The following ZFYVE16 variants were observed in gnomAD, a reference collection of about 807,000 sequenced individuals.
ZFYVE16 encodes zinc finger FYVE-type containing 16, also known as zinc finger FYVE domain-containing protein 16.
Under a neutral mutation model 138.1 loss-of-function variants are expected in ZFYVE16, and 89 were observed. The observed-to-expected ratio is 0.64, with a 90% confidence interval of 0.54 to 0.77. The LOEUF is 0.77. ZFYVE16 is among the 30% of genes least tolerant of loss of function. ZFYVE16 has a pLI of 0.00. For missense variants in ZFYVE16, 1,793 were observed against 1,786.7 expected (o/e 1.00, Z -0.06); for synonymous variants, 596 against 618.3 (o/e 0.96, Z 0.53).
In ZFYVE16 at chr5:80,450,412, T is replaced by C. The variant is rs1431987979; in HGVS notation, c.3227-19T>C. 4 of 1,608,510 alleles carry C rather than the reference T, an allele frequency of 2.5e-6. No individual in the cohort carries two copies. Among genetic ancestry groups the C allele is most frequent in the African/African-American group, 2.7e-5 (2 of 74,712 alleles). The stretch of plus-strand genomic sequence containing the variant: ...TAATAGAAGTTGACATTAATAGTTA[T>C]ATTCTTTTATCATCTAAGATTCCTC... On this transcript the variant is annotated intron_variant, in intron 9 of 18. Coordinates refer to ENST00000505560, the MANE Select transcript of ZFYVE16 (RefSeq NM_001284236.3).
intron 18 of ZFYVE16, among the ~76,000 whole-genome samples, chr5:80,475,924 C>G (rs1754863711): frequency 1.3e-5 from 2 of 151,968 alleles, no homozygotes. Context: ...TTATTTCTTC[C>G]AGCAATTTGT....
chr5:80,477,561 T>G lies in ZFYVE16; in HGVS notation c.*184T>G. ...GCACAATATTTAAATATCTAAAAAT[T>G]TAAGAGATCCATACTTTCTGTAGCT... is the stretch of plus-strand genomic sequence containing the variant. On this transcript the variant is annotated 3_prime_UTR_variant, in exon 19 of 19. Transcript: ENST00000505560. 6.5e-6 allele frequency: 3 copies of G among 458,474 alleles called. No homozygotes were observed. Among genetic ancestry groups the G allele is most frequent in the Non-Finnish European group, 1.1e-5 (3 of 276,848 alleles). 28.4% of individuals were successfully genotyped at this position (458,474 alleles called of 1,614,324 possible). A position where few individuals can be genotyped will look rare whatever the true frequency, so the allele number is the denominator to read the frequency against.
intron 15 of ZFYVE16, among the ~76,000 whole-genome samples, chr5:80,464,421 A>C (rs1440057054): frequency 6.6e-6 from 1 of 152,148 alleles, no homozygotes; most frequent in East Asian, 1.9e-4. Flanking sequence ...GAAGAACAGC[A>C]TGGAGGGAAA....
chr5:80,450,881 G>T (rs1751922702), intron 10 of ZFYVE16, among the ~76,000 whole-genome samples: 1 of 136,856 alleles, frequency 7.3e-6, no homozygotes. Context: ...GCACAATCTT[G>T]GTTCACTGCA....
intron 10 of ZFYVE16, 142 bp from the exon 11 acceptor site, chr5:80,451,343 A>G: frequency 1.7e-6 from 1 of 596,690 alleles, no homozygotes; most frequent in Non-Finnish European, 2.8e-6. Context: ...AAAAATCTAT[A>G]GTGTCTTAAC....
intron 1 of ZFYVE16, chr5:80,410,311 G>A (rs1745227392): frequency 6.6e-6 from 1 of 151,814 alleles, no homozygotes; most frequent in African/African-American, 2.4e-5. Flanking sequence ...TTTCCTGTCA[G>A]CAGTGTCTGA....
At chr5:80,418,001 T>A (rs899790996) in intron 1 of ZFYVE16, among the ~76,000 whole-genome samples, 1 of 152,176 alleles carries the variant, frequency 6.6e-6, no homozygotes, top group Non-Finnish European at 1.5e-5. Context: ...GTGAAGTGGA[T>A]ATCTCATTGT....
chr5:80,465,424 T>TTTTTTTTTTTTTTTTTA (rs1753636729), intron 15 of ZFYVE16, among the ~76,000 whole-genome samples: 3 of 136,248 alleles, frequency 2.2e-5, no homozygotes, highest in Non-Finnish European at 4.7e-5. Context: ...TTTTTTTTTT[T>TTTTTTTTTTTTTTTTTA]GAGACAGGAT....
At chr5:80,470,180 G>C (rs1191924332) in intron 15 of ZFYVE16, among the ~76,000 whole-genome samples, 1 of 146,424 alleles carries the variant, frequency 6.8e-6, no homozygotes, top group African/African-American at 2.5e-5. Context: ...CGGCTCACTG[G>C]AAGCTCCACC....
chr5:80,470,064 C>CGTGTGTGTGT (rs369109701), intron 15 of ZFYVE16, among the ~76,000 whole-genome samples: 1,486 of 59,500 alleles, frequency 0.025, 26 homozygotes, highest in Middle Eastern at 0.062. Context: ...TGTATATATA[C>CGTGTGTGTGT]GTGTGTGTGT....
intron 1 of ZFYVE16, among the ~76,000 whole-genome samples, chr5:80,420,063 GC>G (rs921648414): frequency 6.6e-6 from 1 of 150,516 alleles, no homozygotes; most frequent in African/African-American, 2.4e-5. Flanking sequence ...GCCCACCTTG[GC>G]CCCCCAAAGT....
chr5:80,410,192 C>CT (rs918576115), intron 1 of ZFYVE16: 1 of 152,072 alleles, frequency 6.6e-6, no homozygotes, highest in African/African-American at 2.4e-5. Flanking sequence ...CACATGGATT[C>CT]TTTTCTAAAA....
rs1412958029 is a variant in ZFYVE16 at position 80,448,225 on chromosome 5, C to T, written c.2924C>T (p.Thr975Ile). ...CTAGATGATGATGTTTTTGCAGAAA[C>T]TGAAGAACCATCTAGTCCTACTGGT... ...FTLDDDVFAE[T>I]EEPSSPTGVL... Residue 975 changes from threonine to isoleucine, a missense_variant, in exon 8 of 19, where the codon ACT becomes ATT. Transcript: ENST00000505560. 1.2e-6 allele frequency: 2 copies of T among 1,613,726 alleles called. No homozygotes were observed. Among genetic ancestry groups the T allele is most frequent in the African/African-American group, 2.7e-5 (2 of 74,916 alleles).
At chr5:80,420,948 C>G (rs933117270) in intron 1 of ZFYVE16, among the ~76,000 whole-genome samples, 11 of 152,232 alleles carry the variant, frequency 7.2e-5, no homozygotes, top group African/African-American at 2.7e-4. Flanking sequence ...CACATCCTCT[C>G]CAGCACCTGT....
At chr5:80,440,178 G>A in intron 5 of ZFYVE16, 146 bp downstream of exon 5, 3 of 1,262,464 alleles carry the variant, frequency 2.4e-6, no homozygotes, top group Non-Finnish European at 3.0e-6. Flanking sequence ...CCCAAGGCTT[G>A]GTTTCTCTTC....
chr5:80,457,114 GCTAA>G (rs1233713967), intron 14 of ZFYVE16, 22 bp downstream of exon 14: 7 of 1,603,304 alleles, frequency 4.4e-6, no homozygotes, highest in Non-Finnish European at 5.9e-6. Context: ...GGTTCCTAGT[GCTAA>G]TTTACAAAAC....
At position 80,448,207 on chromosome 5, in the gene ZFYVE16, A is replaced by T; in HGVS notation, c.2906A>T (p.Asp969Val). The part of the protein sequence containing the change: ...LPTSGSFTLD[D>V]DVFAETEEPS... ...ACTTCTGGTTCATTTACACTAGATG[A>T]TGATGTTTTTGCAGAAACTGAAGAA... The change falls in exon 8 of 19, where the codon GAT (aspartate) becomes GTT (valine). Residue 969 changes from aspartate to valine, a missense_variant. Coordinates refer to ENST00000505560, the MANE Select transcript of ZFYVE16 (RefSeq NM_001284236.3). The T allele has an allele frequency of 6.2e-7, 1 of 1,613,928 alleles. No homozygotes were observed. The highest frequency in any genetic ancestry group is 8.5e-7 in the Non-Finnish European group (1 of 1,179,902).
In ZFYVE16 at chr5:80,445,314, C is replaced by T. The variant is rs138223053; in HGVS notation, c.2633C>T (p.Pro878Leu). 91 of 1,613,830 alleles carry T rather than the reference C, an allele frequency of 5.6e-5. No homozygotes were observed. In the East Asian group the frequency reaches 1.7e-3, roughly 31 times the overall value. Reference protein sequence around the residue: ...KRVWFADGILPNGEVADTTKL... With the variant: ...KRVWFADGILLNGEVADTTKL... ...GTATGGTTTGCAGATGGTATATTGC[C>T]CAATGGTGAAGTTGCAGATACAACA... Residue 878 changes from proline (P) to leucine (L), a missense_variant, in exon 7 of 19, where the codon CCC becomes CTC. This residue lies in a region of ZFYVE16 where 1,295 missense variants were observed against 1,204.3 expected (regional missense o/e 1.08). Transcript: ENST00000505560.
chr5:80,413,457 T>A (rs1290817570), intron 1 of ZFYVE16, among the ~76,000 whole-genome samples: 1 of 102,040 alleles, frequency 9.8e-6, no homozygotes, highest in Non-Finnish European at 2.0e-5. Context: ...GGCAACAAGA[T>A]CAAAACTTCA....
Sources: allele counts gnomAD v4.1 joint callset (sites outside exome capture counted in the v4.1 genomes callset), GRCh38; gene constraint gnomAD v4.1.1; regional missense constraint gnomAD v4.1.1; transcripts MANE v1.5; gene names NCBI Gene and HGNC (gene_info 2026-07-23, HGNC 2026-07-21).